The following GLRA3 variants were observed in gnomAD, a reference collection of about 807,000 sequenced individuals.
The protein encoded by GLRA3 is glycine receptor subunit alpha-3.
A neutral mutation model predicts 60.4 loss-of-function variants in GLRA3; 44 were observed. The ratio of observed to expected loss-of-function variants is 0.73; its 90% CI spans 0.57 to 0.94. The LOEUF (loss-of-function observed/expected upper bound fraction) is 0.94, where lower values mean the gene tolerates loss of function less well. Among genes scored for constraint, GLRA3 ranks in the 40% least tolerant of loss-of-function variants. GLRA3 has a pLI of 0.00. For synonymous variants in GLRA3, 223 were observed against 192.9 expected (o/e 1.16, Z -1.29); for missense variants, 508 against 564.6 (o/e 0.90, Z 1.02).
At chr4:174,809,049 CCACT>C (rs1740160689) in intron 1 of GLRA3, among the ~76,000 whole-genome samples, 2 of 152,168 alleles carry the variant, frequency 1.3e-5, no homozygotes. Flanking sequence ...CATTCACTCA[CCACT>C]CACTCACTGA....
At chr4:174,696,262 T>G (rs1299177650) in intron 5 of GLRA3, among the ~76,000 whole-genome samples, 1 of 151,726 alleles carries the variant, frequency 6.6e-6, no homozygotes, top group Non-Finnish European at 1.5e-5. Context: ...CTAATTGTAT[T>G]TAAAATATAA....
intron 7 of GLRA3, among the ~76,000 whole-genome samples, chr4:174,660,089 C>G (rs1448023631): frequency 6.6e-6 from 1 of 151,730 alleles, no homozygotes; most frequent in African/African-American, 2.4e-5. Flanking sequence ...TATATTCCCT[C>G]AAACTATTTG....
intron 9 of GLRA3, among the ~76,000 whole-genome samples, chr4:174,649,919 A>AT (rs1732967651): frequency 6.6e-6 from 1 of 152,130 alleles, no homozygotes; most frequent in Admixed American, 6.6e-5. Context: ...AGGAGCCTAA[A>AT]TTCTCCAGTA....
At position 174,790,249 on chromosome 4, in the gene GLRA3, G is replaced by C. The variant is rs114460463; in HGVS notation, c.72-1306C>G. Among the ~76,000 whole-genome samples, 992 of 152,150 alleles carry C rather than the reference G, an allele frequency of 6.5e-3. 8 individuals are homozygous for C. Among genetic ancestry groups the C allele is most frequent in the African/African-American group, 0.022 (908 of 41,500 alleles). On this transcript the variant is annotated intron_variant, in intron 1 of 9. Transcript: ENST00000274093. ...TCTCGCTTTCTTCCAGAATGGAAGC[G>C]TTTTTTCTCCCTATTCTGTTGGCTC...
chr4:174,682,956 A>T lies in GLRA3; in HGVS notation c.575-17T>A. On this transcript the variant is annotated splice_polypyrimidine_tract_variant and intron_variant, in intron 5 of 9. Transcript: ENST00000274093. ...TGTACCCAACTAGGCAAAACATAAT[A>T]AAAATATGAATAGTCTAAAAAGGGC... 1.9e-6 allele frequency: 3 copies of T among 1,600,202 alleles called. No individual in the cohort carries two copies. Among genetic ancestry groups the T allele is most frequent in the Non-Finnish European group, 2.6e-6 (3 of 1,168,542 alleles).
intron 1 of GLRA3, among the ~76,000 whole-genome samples, chr4:174,808,407 G>T (rs368429775): frequency 1.3e-5 from 2 of 151,950 alleles, no homozygotes; most frequent in Non-Finnish European, 2.9e-5. Context: ...TGTGATGCTG[G>T]TATAAACAAA....
At chr4:174,659,975 A>AT (rs1733373882) in intron 7 of GLRA3, among the ~76,000 whole-genome samples, 1 of 151,560 alleles carries the variant, frequency 6.6e-6, no homozygotes, top group South Asian at 2.1e-4. Flanking sequence ...CTGTCTCAAA[A>AT]AAAAAAAAAA....
intron 4 of GLRA3, among the ~76,000 whole-genome samples, chr4:174,728,082 G>A (rs954221597): frequency 6.6e-6 from 1 of 152,128 alleles, no homozygotes; most frequent in Non-Finnish European, 1.5e-5. Flanking sequence ...AATAATCTAT[G>A]TAGAATGTAT....
At chr4:174,809,799 A>C (rs1478997913) in intron 1 of GLRA3, among the ~76,000 whole-genome samples, 1 of 152,158 alleles carries the variant, frequency 6.6e-6, no homozygotes, top group Non-Finnish European at 1.5e-5. Context: ...AGTATAAGGG[A>C]GGTAGGACTA....
intron 2 of GLRA3, among the ~76,000 whole-genome samples, chr4:174,778,890 G>A (rs1001263479): frequency 7.8e-4 from 119 of 152,350 alleles, no homozygotes; most frequent in Non-Finnish European, 1.1e-3. Flanking sequence ...AGTGAGGCTG[G>A]GGGAGGGGCG....
At chr4:174,813,226 C>T (rs1346577519) in intron 1 of GLRA3, among the ~76,000 whole-genome samples, 1 of 152,082 alleles carries the variant, frequency 6.6e-6, no homozygotes, top group African/African-American at 2.4e-5. Context: ...TCATATTTTA[C>T]CTTTTACAGA....
chr4:174,732,945 C>T (rs897783588), intron 3 of GLRA3, among the ~76,000 whole-genome samples: 3 of 152,022 alleles, frequency 2.0e-5, no homozygotes, highest in Non-Finnish European at 4.4e-5. Context: ...ATACAGGTAT[C>T]TTTAATATTG....
At chr4:174,689,779 A>AAAG (rs1734717002) in intron 5 of GLRA3, among the ~76,000 whole-genome samples, 1 of 147,088 alleles carries the variant, frequency 6.8e-6, no homozygotes, top group African/African-American at 2.5e-5. Context: ...AAAAAAAAAA[A>AAAG]AAAAAAGCAA....
chr4:174,722,150 C>A (rs1736156946), intron 4 of GLRA3, among the ~76,000 whole-genome samples: 1 of 152,062 alleles, frequency 6.6e-6, no homozygotes. Context: ...ATTTTAGGGC[C>A]AGCAAGGGGT....
chr4:174,644,359 A>T (rs1365153026), intron 9 of GLRA3, among the ~76,000 whole-genome samples: 1 of 152,080 alleles, frequency 6.6e-6, no homozygotes, highest in African/African-American at 2.4e-5. Flanking sequence ...TAAATTAAAA[A>T]AAAAACAAGA....
At chr4:174,668,328 A>G (rs1579415107) in intron 7 of GLRA3, among the ~76,000 whole-genome samples, 1 of 152,182 alleles carries the variant, frequency 6.6e-6, no homozygotes, top group East Asian at 1.9e-4. Flanking sequence ...ATCCTTCATA[A>G]CTACGTTTAC....
At chr4:174,751,292 T>C (rs1737476812) in intron 3 of GLRA3, among the ~76,000 whole-genome samples, 1 of 152,084 alleles carries the variant, frequency 6.6e-6, no homozygotes, top group South Asian at 2.1e-4. Flanking sequence ...CATGTAAATA[T>C]TTTGAGAACA....
intron 3 of GLRA3, among the ~76,000 whole-genome samples, chr4:174,730,294 T>C (rs1736504035): frequency 6.6e-6 from 1 of 152,166 alleles, no homozygotes; most frequent in South Asian, 2.1e-4. Context: ...CCAGTTCTTG[T>C]TTCCTTCGCC....
chr4:174,696,261 T>C (rs559683054), intron 5 of GLRA3, among the ~76,000 whole-genome samples: 2 of 151,852 alleles, frequency 1.3e-5, no homozygotes, highest in South Asian at 4.1e-4. Context: ...TCTAATTGTA[T>C]TTAAAATATA....
Sources: allele counts gnomAD v4.1 joint callset (sites outside exome capture counted in the v4.1 genomes callset), GRCh38; gene constraint gnomAD v4.1.1; transcripts MANE v1.5; gene names NCBI Gene and HGNC (gene_info 2026-07-23, HGNC 2026-07-21).